Variants in CHL1 observed in about 807,000 individuals in gnomAD.
The protein encoded by CHL1 is neural cell adhesion molecule L1-like protein.
In CHL1, 96 loss-of-function variants were observed where a neutral mutation model predicts 141.9. The observed-to-expected ratio is 0.68, with a 90% CI of 0.57 to 0.80. The LOEUF (loss-of-function observed/expected upper bound fraction) is 0.80. Ranked by LOEUF, CHL1 falls within the 30% of genes least tolerant of loss-of-function variation. The probability of loss-of-function intolerance (pLI) is 0.00; values close to 1 mark genes in which losing one functional copy is unlikely to be tolerated. For synonymous variants in CHL1, 613 were observed against 502.2 expected, an observed-to-expected ratio of 1.22 and a Z score of -2.95; for missense variants, 1,820 against 1,457.2, an observed-to-expected ratio of 1.25 and a Z score of -4.05.
At chr3:297,911 T>C (rs1318260173) in intron 2 of CHL1, among the ~76,000 whole-genome samples, 2 of 152,204 alleles carry the variant, frequency 1.3e-5, no homozygotes, top group African/African-American at 4.8e-5. Context: ...CTGGGGATTA[T>C]AGAGCTGGAT....
intron 2 of CHL1, among the ~76,000 whole-genome samples, chr3:272,398 C>A (rs866504390): frequency 1.5e-4 from 23 of 152,164 alleles, no homozygotes; most frequent in Middle Eastern, 3.4e-3. Context: ...AGAAATACTT[C>A]TATCTCATCA....
intron 2 of CHL1, among the ~76,000 whole-genome samples, chr3:297,918 G>T (rs1698347848): frequency 6.6e-6 from 1 of 152,164 alleles, no homozygotes; most frequent in African/African-American, 2.4e-5. Flanking sequence ...TTATAGAGCT[G>T]GATAAGGCTT....
chr3:318,741 A>G (rs1417969533), intron 2 of CHL1, among the ~76,000 whole-genome samples: 1 of 151,228 alleles, frequency 6.6e-6, no homozygotes, highest in Admixed American at 6.6e-5. Flanking sequence ...TCTTTCCTCT[A>G]TCTTGCTGGA....
chr3:258,764 G>A lies in CHL1; in HGVS notation c.-95+14072G>A, dbSNP rs78660655. 2.6e-5 allele frequency among the ~76,000 whole-genome samples: 4 copies of A among 152,164 alleles called. No individual in the cohort carries two copies. The East Asian group carries it at 7.7e-4, about 29-fold the overall frequency. ...TGTTGCTTCAGTGGGACAAACGAAA[G>A]TGAGACAATTGCATCTCTTGTTCTA... On this transcript the variant is annotated intron_variant, in intron 2 of 27. Coordinates refer to ENST00000256509, the MANE Select transcript of CHL1 (RefSeq NM_006614.4).
rs116029445 is a variant in CHL1, at chr3:326,945, T to C, written c.197+881T>C. Among the ~76,000 whole-genome samples the C allele has an allele frequency of 4.3e-3, 655 of 152,004 alleles. 1 individual carries two copies. Among genetic ancestry groups the C allele is most frequent in the African/African-American group, 0.015 (619 of 41,534 alleles). On this transcript the variant is annotated intron_variant, in intron 4 of 27. Coordinates refer to ENST00000256509, the MANE Select transcript of CHL1 (RefSeq NM_006614.4). ...ATAATTATTTCTATGTTTAACCAAATGGAATATATTCAATCAAAATATGTA... is the reference window on the plus strand; with the variant it reads ...ATAATTATTTCTATGTTTAACCAAACGGAATATATTCAATCAAAATATGTA...
At chr3:270,793 C>A (rs962644516) in intron 2 of CHL1, among the ~76,000 whole-genome samples, 1 of 152,206 alleles carries the variant, frequency 6.6e-6, no homozygotes, top group African/African-American at 2.4e-5. Context: ...CCACAGCTTT[C>A]CCACATGGCT....
Position 364,740 on chromosome 3 carries a change from G to T in CHL1, c.1586-1210G>T, listed in dbSNP as rs148522913. 2.1e-3 allele frequency among the ~76,000 whole-genome samples: 327 copies of T among 152,208 alleles called. 1 individual carries two copies. The highest frequency in any genetic ancestry group is 7.4e-3 in the African/African-American group (309 of 41,538). On this transcript the variant is annotated intron_variant, in intron 14 of 27. Transcript: ENST00000256509. ...TGAGCTTTAGTCTCAGGCAGATTTG[G>T]GTTCAAATCCTGGTTCAGCCCATTC... is the stretch of plus-strand genomic sequence containing the variant.
At chr3:391,266 A>AAAGT in intron 22 of CHL1, 107 bp downstream of exon 22, 1 of 907,750 alleles carries the variant, frequency 1.1e-6, no homozygotes, top group Non-Finnish European at 1.7e-6. Context: ...TGTAAATCCC[A>AAAGT]GCACTTTGGG....
chr3:348,468 T>C (rs1702953377), intron 9 of CHL1, among the ~76,000 whole-genome samples: 1 of 152,188 alleles, frequency 6.6e-6, no homozygotes, highest in Non-Finnish European at 1.5e-5. Flanking sequence ...CAACCCTTTA[T>C]GCTTTCCACA....
At chr3:295,602 T>C (rs115677410) in intron 2 of CHL1, among the ~76,000 whole-genome samples, 5 of 152,132 alleles carry the variant, frequency 3.3e-5, no homozygotes, top group Non-Finnish European at 5.9e-5. Flanking sequence ...TCTGTCAGAG[T>C]TCTCAAATAA....
At chr3:331,085 A>C (rs1209883336) in intron 5 of CHL1, among the ~76,000 whole-genome samples, 1 of 152,196 alleles carries the variant, frequency 6.6e-6, no homozygotes, top group Non-Finnish European at 1.5e-5. Context: ...AGAGTGGATA[A>C]AAGGCTGAAC....
chr3:287,593 A>C (rs919227819), intron 2 of CHL1, among the ~76,000 whole-genome samples: 5 of 152,220 alleles, frequency 3.3e-5, no homozygotes, highest in Admixed American at 6.5e-5. Flanking sequence ...GATTTGATAT[A>C]TTTAACTCTT....
chr3:228,178 C>T (rs1399415077), intron 1 of CHL1, among the ~76,000 whole-genome samples: 1 of 152,074 alleles, frequency 6.6e-6, no homozygotes, highest in Non-Finnish European at 1.5e-5. Context: ...GTCTTAAAAA[C>T]AATATGTTTT....
chr3:335,720 G>A (rs922172420), intron 5 of CHL1, among the ~76,000 whole-genome samples: 38 of 152,188 alleles, frequency 2.5e-4, no homozygotes, highest in Admixed American at 1.3e-4. Context: ...TACATGAAAT[G>A]AACAAATGAA....
chr3:340,677 G>A, intron 5 of CHL1, 117 bp from the exon 6 acceptor site: 1 of 826,844 alleles, frequency 1.2e-6, no homozygotes, highest in Non-Finnish European at 1.9e-6. Flanking sequence ...ACCAGGATCT[G>A]TAGCATAGAA....
intron 2 of CHL1, among the ~76,000 whole-genome samples, chr3:306,738 T>TA (rs61660779): frequency 0.026 from 4,001 of 152,140 alleles, 168 homozygotes; most frequent in African/African-American, 0.091. Flanking sequence ...AGTATAGAGA[T>TA]AAAAAAATCA....
chr3:310,907 C>T (rs2124980762), intron 2 of CHL1, among the ~76,000 whole-genome samples: 1 of 152,362 alleles, frequency 6.6e-6, no homozygotes, highest in Admixed American at 6.5e-5. Flanking sequence ...CCCTTAACCC[C>T]TCACAACCAC....
Position 366,003 on chromosome 3 carries a change from A to G in CHL1, c.1639A>G (p.Met547Val), listed in dbSNP as rs1575176745. The G allele has an allele frequency of 2.5e-6, 4 of 1,613,558 alleles. No individual in the cohort carries two copies. Among genetic ancestry groups the G allele is most frequent in the Middle Eastern group, 3.3e-4 (2 of 6,058 alleles). Residue 547 changes from methionine (M) to valine (V), a missense_variant, in exon 15 of 28, where the codon ATG becomes GTG. Met to Val is a conservative substitution (Grantham distance 21, BLOSUM62 1). Coordinates refer to ENST00000256509, the MANE Select transcript of CHL1 (RefSeq NM_006614.4). The part of the protein sequence containing the change: ...PKNPRIPKLH[M>V]LELHCESKCD... ...GAATCCTCGTATCCCCAAATTGCAT[A>G]TGCTTGAATTACATTGTGAAAGCAA...
chr3:271,904 T>C (rs1405836894), intron 2 of CHL1, among the ~76,000 whole-genome samples: 1 of 152,244 alleles, frequency 6.6e-6, no homozygotes, highest in African/African-American at 2.4e-5. Flanking sequence ...GGAGATCATG[T>C]ATTTGTAACA....
Sources: allele counts gnomAD v4.1 joint callset (sites outside exome capture counted in the v4.1 genomes callset), GRCh38; gene constraint gnomAD v4.1.1; transcripts MANE v1.5; gene names NCBI Gene and HGNC (gene_info 2026-07-23, HGNC 2026-07-21).